ALK: variants seen among roughly 807,000 people sequenced by gnomAD.
The protein encoded by ALK is ALK receptor tyrosine kinase.
In ALK, 74 loss-of-function variants were observed where a neutral mutation model predicts 163.1. That is an observed-to-expected ratio of 0.45 (90% CI 0.38 to 0.55). The LOEUF (loss-of-function observed/expected upper bound fraction) is 0.55, where lower values mean the gene tolerates loss of function less well. ALK is among the 20% of genes least tolerant of loss of function. The pLI is 0.00. For missense variants in ALK, 2,063 were observed against 2,105.3 expected (o/e 0.98, Z 0.39); for synonymous variants, 960 against 843.2 (o/e 1.14, Z -2.40).
At chr2:29,216,946 G>T (rs1211107874) in intron 23 of ALK, among the ~76,000 whole-genome samples, 1 of 50,046 alleles carries the variant, frequency 2.0e-5, no homozygotes, top group Non-Finnish European at 6.2e-5. Flanking sequence ...TGTGTGTGTG[G>T]CATGTGATGT....
At chr2:29,469,002 ATAAC>A (rs774822340) in intron 4 of ALK, among the ~76,000 whole-genome samples, 1 of 152,184 alleles carries the variant, frequency 6.6e-6, no homozygotes, top group Non-Finnish European at 1.5e-5. Context: ...TAGGATATAA[ATAAC>A]ACTCACATGC....
intron 1 of ALK, among the ~76,000 whole-genome samples, chr2:29,878,475 G>A (rs949427619): frequency 6.6e-6 from 1 of 152,186 alleles, no homozygotes; most frequent in African/African-American, 2.4e-5. Flanking sequence ...CTGGTAAATT[G>A]TAAGGTCCAT....
rs115940160 is a variant in ALK, at chr2:29,619,902, C to A, written c.952+74948G>T. On this transcript the variant is annotated intron_variant, in intron 3 of 28. Transcript: ENST00000389048. ...ACTGGGATGTCATTATGGGCTGCAT[C>A]AGGTGCCCATACCCACAGTGAGGGG... Among the ~76,000 whole-genome samples, 796 of 152,278 alleles carry A rather than the reference C, an allele frequency of 5.2e-3. 8 individuals are homozygous for A. The highest frequency in any genetic ancestry group is 0.017 in the African/African-American group (701 of 41,570).
At chr2:29,471,210 T>G (rs867511911) in intron 4 of ALK, among the ~76,000 whole-genome samples, 3 of 152,194 alleles carry the variant, frequency 2.0e-5, no homozygotes, top group South Asian at 2.1e-4. Context: ...TTCTTCCAAA[T>G]ATTTAAAGAT....
intron 13 of ALK, among the ~76,000 whole-genome samples, chr2:29,238,369 G>C (rs528744885): frequency 7.2e-5 from 11 of 151,968 alleles, no homozygotes; most frequent in African/African-American, 2.7e-4. Flanking sequence ...GCTAATTTTT[G>C]TATTTTTAGT....
chr2:29,313,607 G>C (rs1666750920), intron 8 of ALK, among the ~76,000 whole-genome samples: 1 of 152,138 alleles, frequency 6.6e-6, no homozygotes, highest in Admixed American at 6.5e-5. Context: ...GTCTCCAGCA[G>C]GGCAGTGTGA....
chr2:29,643,355 C>T (rs1338913867), intron 3 of ALK, among the ~76,000 whole-genome samples: 2 of 151,968 alleles, frequency 1.3e-5, no homozygotes, highest in Non-Finnish European at 2.9e-5. Flanking sequence ...ACTTGAGTGG[C>T]CCCTGCATGA....
intron 3 of ALK, among the ~76,000 whole-genome samples, chr2:29,637,162 TG>T (rs1290373958): frequency 6.6e-6 from 1 of 152,204 alleles, no homozygotes; most frequent in East Asian, 1.9e-4. Context: ...TTATTCATAA[TG>T]GTCCCAAACT....
chr2:29,262,705 T>C (rs1461020645), intron 11 of ALK, among the ~76,000 whole-genome samples: 1 of 152,214 alleles, frequency 6.6e-6, no homozygotes, highest in Non-Finnish European at 1.5e-5. Flanking sequence ...ACACCCCTTC[T>C]TGGAGAGGGA....
chr2:29,620,410 T>C (rs1444062011), intron 3 of ALK, among the ~76,000 whole-genome samples: 1 of 150,266 alleles, frequency 6.7e-6, no homozygotes, highest in Non-Finnish European at 1.5e-5. Flanking sequence ...ACTAATTTCA[T>C]TGGCAACAAC....
chr2:29,650,802 T>C (rs984493889), intron 3 of ALK, among the ~76,000 whole-genome samples: 2 of 152,130 alleles, frequency 1.3e-5, no homozygotes, highest in Admixed American at 6.6e-5. Context: ...TGAAAGTGTG[T>C]GCCCCCTCCC....
chr2:29,235,947 G>T (rs1261242529), intron 13 of ALK, among the ~76,000 whole-genome samples: 5 of 130,038 alleles, frequency 3.8e-5, no homozygotes, highest in Non-Finnish European at 7.8e-5. Context: ...GCTTTAAGTA[G>T]TTCTCTTGCC....
chr2:29,660,118 G>A (rs982173190), intron 3 of ALK, among the ~76,000 whole-genome samples: 12 of 152,080 alleles, frequency 7.9e-5, no homozygotes, highest in African/African-American at 2.7e-4. Context: ...ATGGACAATG[G>A]GGGCACCAAG....
chr2:29,432,754 T>G (rs913339966), intron 4 of ALK, among the ~76,000 whole-genome samples: 13 of 150,530 alleles, frequency 8.6e-5, no homozygotes, highest in Non-Finnish European at 1.6e-4. Flanking sequence ...TTTTTTTTTT[T>G]AAACCGATGG....
rs55674686 is a variant in ALK at position 29,734,598 on chromosome 2, G to T, written c.668-16901C>A. On this transcript the variant is annotated intron_variant, in intron 1 of 28. Coordinates refer to ENST00000389048, the MANE Select transcript of ALK (RefSeq NM_004304.5). Reference sequence around the variant, plus strand: ...AAAAGAAAAATAATTACAAAACAAAGACACCTGTAAAAATAAATATAGATC... The same window carrying T: ...AAAAGAAAAATAATTACAAAACAAATACACCTGTAAAAATAAATATAGATC... Among the ~76,000 whole-genome samples, 846 of 151,878 alleles carry T rather than the reference G, an allele frequency of 5.6e-3. 5 individuals carry two copies. Among genetic ancestry groups the T allele is most frequent in the African/African-American group, 0.019 (775 of 41,406 alleles).
At chr2:29,451,825 A>C (rs1019611746) in intron 4 of ALK, among the ~76,000 whole-genome samples, 3 of 152,156 alleles carry the variant, frequency 2.0e-5, no homozygotes, top group South Asian at 2.1e-4. Flanking sequence ...CTAACATAAT[A>C]AATGACCTCC....
intron 3 of ALK, among the ~76,000 whole-genome samples, chr2:29,597,414 C>T (rs184620994): frequency 9.8e-5 from 15 of 152,296 alleles, no homozygotes; most frequent in African/African-American, 2.6e-4. Flanking sequence ...TATGAACCAA[C>T]GCCACTAATT....
chr2:29,705,827 C>T (rs578260954), intron 2 of ALK, among the ~76,000 whole-genome samples: 4 of 152,260 alleles, frequency 2.6e-5, no homozygotes, highest in South Asian at 2.1e-4. Flanking sequence ...TTTAATGATG[C>T]GCGTCATTGC....
At chr2:29,877,485 C>T (rs1440039257) in intron 1 of ALK, among the ~76,000 whole-genome samples, 1 of 152,212 alleles carries the variant, frequency 6.6e-6, no homozygotes, top group Admixed American at 6.5e-5. Flanking sequence ...AATATAAACA[C>T]CATGACAGCA....
Sources: gnomAD v4.1 joint callset for allele counts (sites outside exome capture counted in the v4.1 genomes callset) on GRCh38, gnomAD v4.1.1 for gene constraint, MANE v1.5 for transcripts, NCBI Gene and HGNC (gene_info 2026-07-23, HGNC 2026-07-21) for gene names.